The following BAZ2B variants were observed in gnomAD, a reference collection of about 807,000 sequenced individuals.
BAZ2B encodes the protein bromodomain adjacent to zinc finger domain 2B.
A neutral mutation model predicts 246.0 loss-of-function variants in BAZ2B; 91 were observed. That is an observed-to-expected ratio of 0.37 (90% confidence interval 0.31 to 0.44). The LOEUF is 0.44. Ranked by LOEUF, BAZ2B falls within the 20% of genes least tolerant of loss-of-function variation. The pLI is 1.00. For missense variants in BAZ2B, 2,332 were observed against 2,533.7 expected (o/e 0.92, Z 1.71); for synonymous variants, 855 against 860.0 (o/e 0.99, Z 0.10).
chr2:159,497,583 C>CT lies in BAZ2B; in HGVS notation c.-2-18863_-2-18862insA, dbSNP rs1559619072. Reference sequence around the variant, plus strand: ...TCTCTAAAAGATTCTATACTCTAATCAGATTCTTTCTGATATAAACATTTT... The same window carrying CT: ...TCTCTAAAAGATTCTATACTCTAATCTAGATTCTTTCTGATATAAACATTTT... On this transcript the variant is annotated intron_variant, in intron 2 of 36. Coordinates refer to ENST00000392783, the MANE Select transcript of BAZ2B (RefSeq NM_013450.4). Among the ~76,000 whole-genome samples the CT allele has an allele frequency of 4.7e-3, 723 of 152,220 alleles. 4 individuals are homozygous for CT. Among genetic ancestry groups the CT allele is most frequent in the African/African-American group, 0.017 (688 of 41,532 alleles).
chr2:159,550,466 T>C (rs990683342), intron 2 of BAZ2B, among the ~76,000 whole-genome samples: 8 of 152,130 alleles, frequency 5.3e-5, no homozygotes, highest in African/African-American at 1.4e-4. Context: ...ATCCTGAAAG[T>C]TGCACACACT....
At chr2:159,398,564 T>C (rs186601636) in intron 18 of BAZ2B, among the ~76,000 whole-genome samples, 1 of 152,132 alleles carries the variant, frequency 6.6e-6, no homozygotes, top group East Asian at 1.9e-4. Flanking sequence ...CAAAACTACA[T>C]ACAGGTATTA....
intron 33 of BAZ2B, among the ~76,000 whole-genome samples, chr2:159,334,724 T>C (rs2161078): frequency 0.92 from 139,370 of 152,220 alleles, 65,077 homozygotes; most frequent in East Asian, 1. Context: ...TTTGCAAAAA[T>C]GGAAATAAAG....
chr2:159,528,190 T>C (rs1256270623), intron 2 of BAZ2B, among the ~76,000 whole-genome samples: 1 of 152,136 alleles, frequency 6.6e-6, no homozygotes, highest in Admixed American at 6.5e-5. Context: ...AATTATATCA[T>C]CATTGAGAGG....
chr2:159,439,408 A>C (rs936716800), intron 6 of BAZ2B, among the ~76,000 whole-genome samples, 196 bp from the exon 7 acceptor site: 2 of 152,260 alleles, frequency 1.3e-5, no homozygotes, highest in Admixed American at 1.3e-4. Context: ...CCTCAATGAA[A>C]AGTGCAAGCT....
At chr2:159,428,478 TTAAAAA>T in intron 11 of BAZ2B, 59 bp from the exon 12 acceptor site, 1 of 1,373,962 alleles carries the variant, frequency 7.3e-7, no homozygotes. Flanking sequence ...CTTTTAAAAA[TTAAAAA>T]TAAGTTAAAG....
chr2:159,604,672 C>T lies in BAZ2B; in HGVS notation c.-46+11570G>A, dbSNP rs921000337. Among the ~76,000 whole-genome samples the T allele has an allele frequency of 6.6e-5, 10 of 152,170 alleles. No homozygotes were observed. The East Asian group carries it at 1.9e-3, about 29-fold the overall frequency. ...AAAAAATTGACCTTTAGTTATCTAG[C>T]TCAACATTCCTTATAATAGAAATTT... On this transcript the variant is annotated intron_variant, in intron 1 of 36. Transcript: ENST00000392783.
chr2:159,516,288 T>C (rs2083438897), intron 2 of BAZ2B: 1 of 151,478 alleles, frequency 6.6e-6, no homozygotes, highest in African/African-American at 2.4e-5. Context: ...CTGTGGAGAG[T>C]GGGTTTAATC....
chr2:159,438,389 C>G lies in BAZ2B; in HGVS notation c.1207G>C (p.Val403Leu). The G allele has an allele frequency of 1.2e-6, 2 of 1,614,134 alleles. No individual in the cohort carries two copies. Among genetic ancestry groups the G allele is most frequent in the Non-Finnish European group, 1.7e-6 (2 of 1,179,982 alleles). Residue 403 changes from valine (V) to leucine (L), a missense_variant, in exon 8 of 37, where the codon GTT becomes CTT. Physicochemically the swap from Val to Leu is conservative, Grantham distance 32 (BLOSUM62 1). Transcript: ENST00000392783. ...GCTTTAAGAACATCAGGAGAAGGAA[C>G]TATGAGTTTCATGTAAGTTTCCTTT... is the stretch of plus-strand genomic sequence containing the variant. Reference protein sequence around the residue: ...AKKETYMKLIVPSPDVLKAGN... With the variant: ...AKKETYMKLILPSPDVLKAGN...
intron 10 of BAZ2B, among the ~76,000 whole-genome samples, chr2:159,430,495 T>C (rs2070884249): frequency 6.6e-6 from 1 of 152,226 alleles, no homozygotes; most frequent in Admixed American, 6.5e-5. Context: ...AAGTTAGATG[T>C]AGATTTTCGA....
At chr2:159,616,137 C>T (rs929187542) in intron 1 of BAZ2B, 105 bp downstream of exon 1, 4 of 152,290 alleles carry the variant, frequency 2.6e-5, no homozygotes, top group Non-Finnish European at 5.9e-5. Flanking sequence ...CGGAGTCCCC[C>T]GCTTGCCCGA....
intron 2 of BAZ2B, among the ~76,000 whole-genome samples, chr2:159,554,308 C>T (rs1246880079): frequency 1.3e-5 from 2 of 151,970 alleles, no homozygotes; most frequent in African/African-American, 4.8e-5. Flanking sequence ...TCATTTAATG[C>T]TAATGTTAAC....
chr2:159,337,859 TA>T, intron 31 of BAZ2B, 87 bp from the exon 32 acceptor site: 2 of 1,250,994 alleles, frequency 1.6e-6, no homozygotes, highest in Non-Finnish European at 1.1e-6. Context: ...CAGCATTGGA[TA>T]CTGGCAGATC....
the BAZ2B span, among the ~76,000 whole-genome samples, chr2:159,630,581 T>G: frequency 1.3e-5 from 2 of 151,430 alleles, no homozygotes; most frequent in Admixed American, 1.3e-4. Context: ...TCGCCCAGGC[T>G]GGAGTGCAGT....
the BAZ2B span, among the ~76,000 whole-genome samples, chr2:159,625,645 C>T: frequency 6.6e-6 from 1 of 152,116 alleles, no homozygotes; most frequent in African/African-American, 2.4e-5. Context: ...TTTGTCACCA[C>T]CAGGCCTGCC....
chr2:159,661,802 G>A, the BAZ2B span, among the ~76,000 whole-genome samples: 2 of 151,676 alleles, frequency 1.3e-5, no homozygotes, highest in Non-Finnish European at 2.9e-5. Flanking sequence ...ATTGAGACAA[G>A]GTCTCAGTAT....
the BAZ2B span, among the ~76,000 whole-genome samples, chr2:159,623,372 A>G: frequency 4.6e-5 from 7 of 152,266 alleles, no homozygotes; most frequent in Middle Eastern, 6.8e-3. Flanking sequence ...TGTCTCAGAA[A>G]AAAAACAAAA....
At chr2:159,363,742 T>C (rs1034606663) in intron 27 of BAZ2B, among the ~76,000 whole-genome samples, 1 of 152,154 alleles carries the variant, frequency 6.6e-6, no homozygotes, top group Non-Finnish European at 1.5e-5. Context: ...TGTAGTCCTA[T>C]TCAAAAAGTT....
chr2:159,702,653 T>C, the BAZ2B span, among the ~76,000 whole-genome samples: 1 of 152,208 alleles, frequency 6.6e-6, no homozygotes, highest in African/African-American at 2.4e-5. Context: ...TATAAAACTG[T>C]TAAAGGGCTT....
Sources: allele counts gnomAD v4.1 joint callset (sites outside exome capture counted in the v4.1 genomes callset), GRCh38; gene constraint gnomAD v4.1.1; transcripts MANE v1.5; gene names NCBI Gene and HGNC (gene_info 2026-07-23, HGNC 2026-07-21).